LHFPL3: variants seen among roughly 807,000 people sequenced by gnomAD.
LHFPL3 encodes LHFPL tetraspan subfamily member 3 protein.
A neutral mutation model predicts 19.3 loss-of-function variants in LHFPL3; 5 were observed. The ratio of observed to expected loss-of-function variants is 0.26; its 90% CI spans 0.14 to 0.54. The LOEUF is 0.54. Among genes scored for constraint, LHFPL3 ranks in the 20% least tolerant of loss-of-function variants. The pLI is 0.94. For synonymous variants in LHFPL3, 133 were observed against 126.2 expected (o/e 1.05, Z -0.36); for missense variants, 249 against 307.4 (o/e 0.81, Z 1.42).
chr7:104,562,418 T>C (rs1298430331), intron 1 of LHFPL3, among the ~76,000 whole-genome samples: 1 of 152,248 alleles, frequency 6.6e-6, no homozygotes, highest in African/African-American at 2.4e-5. Context: ...CCCTTCTCGC[T>C]TCATTTCATT....
At chr7:104,409,746 A>C (rs1420413476) in intron 1 of LHFPL3, among the ~76,000 whole-genome samples, 1 of 152,252 alleles carries the variant, frequency 6.6e-6, no homozygotes, top group Non-Finnish European at 1.5e-5. Flanking sequence ...TGGTTAAAAC[A>C]GATTTAACTT....
intron 2 of LHFPL3, among the ~76,000 whole-genome samples, chr7:104,819,566 A>G (rs1055062299): frequency 3.3e-5 from 5 of 152,192 alleles, no homozygotes; most frequent in Non-Finnish European, 7.3e-5. Context: ...AAACAAAAAC[A>G]AAAACAAAAA....
At chr7:104,373,639 T>G (rs1328321412) in intron 1 of LHFPL3, among the ~76,000 whole-genome samples, 1 of 151,934 alleles carries the variant, frequency 6.6e-6, no homozygotes, top group Non-Finnish European at 1.5e-5. Context: ...TCAAATACAT[T>G]TAAGAAATAC....
chr7:104,862,196 A>G (rs1053689998), intron 2 of LHFPL3, among the ~76,000 whole-genome samples: 2 of 152,164 alleles, frequency 1.3e-5, no homozygotes, highest in African/African-American at 4.8e-5. Flanking sequence ...CCAAAATGCC[A>G]TAGTCTGCCA....
chr7:104,806,234 C>T (rs1022073879), intron 2 of LHFPL3, among the ~76,000 whole-genome samples: 7 of 152,194 alleles, frequency 4.6e-5, no homozygotes, highest in Non-Finnish European at 1.0e-4. Context: ...AAGCATAATG[C>T]TTTCATTCAT....
At chr7:104,455,612 T>C (rs1584331126) in intron 1 of LHFPL3, among the ~76,000 whole-genome samples, 1 of 152,238 alleles carries the variant, frequency 6.6e-6, no homozygotes, top group Middle Eastern at 3.4e-3. Flanking sequence ...TCCCAGCTAC[T>C]TGGGAAGCTG....
chr7:104,826,059 G>T (rs1282647232), intron 2 of LHFPL3, among the ~76,000 whole-genome samples: 3 of 151,968 alleles, frequency 2.0e-5, no homozygotes, highest in African/African-American at 7.3e-5. Flanking sequence ...CCCATGGTAT[G>T]TAAAGCACCT....
At chr7:104,467,079 AT>A (rs1327878349) in intron 1 of LHFPL3, among the ~76,000 whole-genome samples, 1 of 146,150 alleles carries the variant, frequency 6.8e-6, no homozygotes, top group South Asian at 2.1e-4. Context: ...AAAACAATTT[AT>A]TTTTTACTCC....
chr7:104,485,129 A>G lies in LHFPL3; in HGVS notation c.445+155905A>G, dbSNP rs150282993. Among the ~76,000 whole-genome samples, 114 of 152,278 alleles carry G rather than the reference A, an allele frequency of 7.5e-4. 1 individual carries two copies. The East Asian group carries it at 0.018, about 23-fold the overall frequency. ...TTATTCATATAACTTGAACTTTATG[A>G]AGTATTTAAAAATATACAGTGAAAA... is the stretch of plus-strand genomic sequence containing the variant. On this transcript the variant is annotated intron_variant, in intron 1 of 2. Coordinates refer to ENST00000424859, the MANE Select transcript of LHFPL3 (RefSeq NM_199000.3).
chr7:104,743,552 AG>A, intron 2 of LHFPL3, among the ~76,000 whole-genome samples: 1 of 152,336 alleles, frequency 6.6e-6, no homozygotes, highest in South Asian at 2.1e-4. Flanking sequence ...GTCCAACAAA[AG>A]CATGTGTGTG....
At chr7:104,832,267 A>G (rs1356909948) in intron 2 of LHFPL3, among the ~76,000 whole-genome samples, 2 of 151,956 alleles carry the variant, frequency 1.3e-5, no homozygotes, top group Non-Finnish European at 2.9e-5. Flanking sequence ...CAATCATTCT[A>G]TCAGACAATA....
intron 1 of LHFPL3, among the ~76,000 whole-genome samples, chr7:104,439,619 C>T: frequency 6.6e-6 from 1 of 151,958 alleles, no homozygotes; most frequent in Non-Finnish European, 1.5e-5. Flanking sequence ...GCAGAAAGAG[C>T]ATATGACCAA....
At chr7:104,623,695 T>TG (rs1432871305) in intron 1 of LHFPL3, among the ~76,000 whole-genome samples, 1 of 129,146 alleles carries the variant, frequency 7.7e-6, no homozygotes, top group Admixed American at 7.7e-5. Context: ...ATAACTACCA[T>TG]GCTGTGAGAA....
At chr7:104,650,526 A>G (rs947227770) in intron 1 of LHFPL3, among the ~76,000 whole-genome samples, 1 of 152,284 alleles carries the variant, frequency 6.6e-6, no homozygotes, top group East Asian at 1.9e-4. Context: ...CTAAGCTAAC[A>G]TGGACAATGC....
At chr7:104,709,616 TC>T (rs961364357) in intron 1 of LHFPL3, among the ~76,000 whole-genome samples, 2 of 151,190 alleles carry the variant, frequency 1.3e-5, no homozygotes, top group Admixed American at 1.3e-4. Context: ...AAATGGAGTC[TC>T]CCATGTCTAC....
intron 1 of LHFPL3, among the ~76,000 whole-genome samples, chr7:104,439,813 T>A (rs1416546956): frequency 6.6e-6 from 1 of 152,142 alleles, no homozygotes; most frequent in East Asian, 1.9e-4. Context: ...TTACCATTTT[T>A]ATTCAGCCCA....
chr7:104,543,903 TATA>T (rs199906129), intron 1 of LHFPL3, among the ~76,000 whole-genome samples: 1,987 of 145,340 alleles, frequency 0.014, 29 homozygotes, highest in East Asian at 0.05. Context: ...TACCCCAAAA[TATA>T]ATAATAATAA....
intron 1 of LHFPL3, among the ~76,000 whole-genome samples, chr7:104,725,729 A>C (rs1188488868): frequency 4.6e-5 from 7 of 152,192 alleles, no homozygotes; most frequent in Middle Eastern, 3.4e-3. Flanking sequence ...AATTTGAAAA[A>C]ATTTTCAAAT....
At chr7:104,360,224 A>T (rs934378915) in intron 1 of LHFPL3, among the ~76,000 whole-genome samples, 1 of 152,202 alleles carries the variant, frequency 6.6e-6, no homozygotes, top group Non-Finnish European at 1.5e-5. Context: ...TCACTTGAAG[A>T]GCTCCTCTTC....
Sources: allele counts gnomAD v4.1 joint callset (sites outside exome capture counted in the v4.1 genomes callset), GRCh38; gene constraint gnomAD v4.1.1; transcripts MANE v1.5; gene names NCBI Gene and HGNC (gene_info 2026-07-23, HGNC 2026-07-21).